Variants in SEL1L observed in about 807,000 individuals in gnomAD.
SEL1L encodes SEL1L adaptor subunit of SYVN1 ubiquitin ligase, also known as protein sel-1 homolog 1.
A neutral mutation model predicts 109.8 loss-of-function variants in SEL1L; 52 were observed. The ratio of observed to expected loss-of-function variants is 0.47; its 90% CI spans 0.38 to 0.60. The LOEUF (loss-of-function observed/expected upper bound fraction) is 0.60. SEL1L is among the 20% of genes least tolerant of loss of function. The pLI is 0.00. For synonymous variants in SEL1L, 373 were observed against 339.6 expected, an observed-to-expected ratio of 1.10 and a Z score of -1.08; for missense variants, 749 against 962.2, an observed-to-expected ratio of 0.78 and a Z score of 2.93.
intron 16 of SEL1L, among the ~76,000 whole-genome samples, chr14:81,486,798 G>C (rs929883687): frequency 3.3e-5 from 5 of 152,068 alleles, no homozygotes; most frequent in African/African-American, 1.2e-4. Context: ...CCTGTTAAAA[G>C]CCCCATTTGA....
chr14:81,525,420 T>TAAA (rs376907456), intron 3 of SEL1L, among the ~76,000 whole-genome samples: 25 of 75,426 alleles, frequency 3.3e-4, no homozygotes, highest in Admixed American at 9.6e-4. Flanking sequence ...ATATAAAAAC[T>TAAA]AAAAAAAAAA....
intron 19 of SEL1L, among the ~76,000 whole-genome samples, chr14:81,482,937 T>C (rs1414299017): frequency 6.6e-6 from 1 of 152,178 alleles, no homozygotes; most frequent in Non-Finnish European, 1.5e-5. Flanking sequence ...GTACTCTTCC[T>C]AGAAAATAAG....
At chr14:81,499,428 TA>T in intron 8 of SEL1L, 30 bp downstream of exon 8, 1 of 1,596,202 alleles carries the variant, frequency 6.3e-7, no homozygotes, top group Non-Finnish European at 8.5e-7. Context: ...CTGATGTTAA[TA>T]TTATTAGCCT....
chr14:81,503,292 C>CT (rs1172356327), intron 5 of SEL1L, among the ~76,000 whole-genome samples: 1 of 152,180 alleles, frequency 6.6e-6, no homozygotes, highest in East Asian at 1.9e-4. Flanking sequence ...CTCTGATAAT[C>CT]TTATTTCTAT....
chr14:81,532,921 G>A (rs1392870319), intron 1 of SEL1L, among the ~76,000 whole-genome samples: 1 of 152,016 alleles, frequency 6.6e-6, no homozygotes, highest in Non-Finnish European at 1.5e-5. Flanking sequence ...ATTTTCAAAT[G>A]TAGGCAGATT....
At position 81,506,090 on chromosome 14, in the gene SEL1L, C is replaced by T; in HGVS notation, c.492G>A (p.Lys164=). 1 of 1,613,620 alleles carries T rather than the reference C, an allele frequency of 6.2e-7. No individual in the cohort carries two copies. The highest frequency in any genetic ancestry group is 1.1e-5 in the South Asian group (1 of 91,016). ...AATACTTACTTTCACAAAAGCCCCA[C>T]TTTTCATCTGCTTTGTAGTCATAGG... is the stretch of plus-strand genomic sequence containing the variant. ...ATTYDYKADE[K]WGFCETEEEA... The change falls in exon 4 of 21, where the codon AAG becomes AAA. Residue 164 remains lysine, a synonymous_variant. Transcript: ENST00000336735.
In SEL1L at chr14:81,473,586, T is replaced by A. The variant is rs191984106; in HGVS notation, c.*3386A>T. The A allele has an allele frequency of 6.6e-6, 1 of 152,198 alleles. No homozygotes were observed. The highest frequency in any genetic ancestry group is 2.1e-4 in the South Asian group (1 of 4,834). The allele number at this position is 152,198 out of a possible 1,614,324, so 9.4% of individuals were successfully genotyped here. A position where few individuals can be genotyped will look rare whatever the true frequency, so the allele number is the denominator to read the frequency against. ...TAATGTGTAATACATATATATATTA[T>A]GAGATTCACTTTCAAAACAAATATC... is the stretch of plus-strand genomic sequence containing the variant. On this transcript the variant is annotated 3_prime_UTR_variant, in exon 21 of 21. Coordinates refer to ENST00000336735, the MANE Select transcript of SEL1L (RefSeq NM_005065.6).
At chr14:81,497,863 G>C (rs750141308) in intron 10 of SEL1L, 29 bp downstream of exon 10, 1 of 1,600,266 alleles carries the variant, frequency 6.2e-7, no homozygotes, top group Non-Finnish European at 8.5e-7. Context: ...ATGCAGTAAA[G>C]ATATTTGGTG....
In SEL1L at chr14:81,506,187, A is replaced by G; in HGVS notation, c.395T>C (p.Leu132Pro). 2 of 1,613,600 alleles carry G rather than the reference A, an allele frequency of 1.2e-6. No individual in the cohort carries two copies. Among genetic ancestry groups the G allele is most frequent in the Non-Finnish European group, 1.7e-6 (2 of 1,179,760 alleles). The change falls in exon 4 of 21, where the codon CTT becomes CCT. Residue 132 changes from leucine (L) to proline (P), a missense_variant. Physicochemically the swap from Leu to Pro is moderately conservative, Grantham distance 98 (BLOSUM62 -3). Transcript: ENST00000336735. ...TTCATCATACTCCTTATCTAGGAAA[A>G]GAAAAGGGAAGTGGCAGGGCTCCCC... ...AHGEPCHFPF[L>P]FLDKEYDECT...
intron 4 of SEL1L, among the ~76,000 whole-genome samples, chr14:81,505,309 A>G (rs112387176): frequency 6.6e-5 from 10 of 152,344 alleles, no homozygotes; most frequent in African/African-American, 2.4e-4. Flanking sequence ...AGATTTTTCA[A>G]AAGTTATTTT....
chr14:81,532,581 T>C (rs1885370772), intron 1 of SEL1L, among the ~76,000 whole-genome samples: 1 of 152,202 alleles, frequency 6.6e-6, no homozygotes, highest in Admixed American at 6.5e-5. Flanking sequence ...GCTTTTGAAA[T>C]GGTATCTCAA....
At chr14:81,509,125 C>T (rs1326970028) in intron 3 of SEL1L, among the ~76,000 whole-genome samples, 2 of 152,192 alleles carry the variant, frequency 1.3e-5, no homozygotes, top group Admixed American at 1.3e-4. Context: ...AGTGTTACTA[C>T]CTTTTAAACT....
rs1244781291 is a variant in SEL1L at position 81,477,083 on chromosome 14, G to A, written c.2274C>T (p.Val758=). Residue 758 remains valine, a synonymous_variant, in exon 21 of 21, where the codon GTC becomes GTT. Coordinates refer to ENST00000336735, the MANE Select transcript of SEL1L (RefSeq NM_005065.6). ...GGTGCTGCCTTTGCCTGTAAGCTAT[G>A]ACTGTTCCCAACAGCAGCGCAATGA... ...MTIIALLLGT[V]IAYRQRQHQD... 1.2e-6 allele frequency: 2 copies of A among 1,614,204 alleles called. No homozygotes were observed. Among genetic ancestry groups the A allele is most frequent in the East Asian group, 2.2e-5 (1 of 44,886 alleles).
rs111575451 is a variant in SEL1L at position 81,533,818 on chromosome 14, G to T, written c.-74C>A. On this transcript the variant is annotated 5_prime_UTR_variant, in exon 1 of 21. Coordinates refer to ENST00000336735, the MANE Select transcript of SEL1L (RefSeq NM_005065.6). ...TGCCACCACGGACTCAGCCACCACC[G>T]CCGCCTCGCCGCTGCTCTTCCTGCT... The T allele has an allele frequency of 3.4e-5, 47 of 1,394,084 alleles. No homozygotes were observed. The highest frequency in any genetic ancestry group is 3.8e-5 in the Non-Finnish European group (38 of 999,132). 86.4% of individuals were successfully genotyped at this position (1,394,084 alleles called of 1,614,324 possible).
At chr14:81,498,133 G>C (rs1299003844) in intron 9 of SEL1L, 87 bp from the exon 10 acceptor site, 9 of 1,333,948 alleles carry the variant, frequency 6.7e-6, no homozygotes, top group East Asian at 2.4e-5. Flanking sequence ...GCTGCCAAAC[G>C]TTGACGAACA....
chr14:81,500,860 T>G (rs915799265), intron 6 of SEL1L, among the ~76,000 whole-genome samples: 5 of 152,102 alleles, frequency 3.3e-5, no homozygotes, highest in Admixed American at 1.3e-4. Context: ...AACACAAAAA[T>G]GGAAGAAATA....
At position 81,475,943 on chromosome 14, in the gene SEL1L, A is replaced by G. The variant is rs1482820461; in HGVS notation, c.*1029T>C. 2 of 152,234 alleles carry G rather than the reference A, an allele frequency of 1.3e-5. No individual in the cohort carries two copies. The highest frequency in any genetic ancestry group is 4.8e-5 in the African/African-American group (2 of 41,468). 9.4% of individuals were successfully genotyped at this position (152,234 alleles called of 1,614,324 possible). ...CTTTGATTCTCTGAGTTTTAGTATT[A>G]TAATAGTAGTCACTGTAAGCCATAC... On this transcript the variant is annotated 3_prime_UTR_variant, in exon 21 of 21. Transcript: ENST00000336735.
chr14:81,512,130 T>C (rs1473971127), intron 3 of SEL1L, among the ~76,000 whole-genome samples: 1 of 152,134 alleles, frequency 6.6e-6, no homozygotes, highest in East Asian at 1.9e-4. Flanking sequence ...GAAGTTTCTA[T>C]GAAGGTGATT....
chr14:81,500,534 C>A (rs1456161142), intron 6 of SEL1L, among the ~76,000 whole-genome samples: 1 of 152,166 alleles, frequency 6.6e-6, no homozygotes, highest in Non-Finnish European at 1.5e-5. Context: ...CCACGCCCAG[C>A]CAAATGTAAC....
Sources: gnomAD v4.1 joint callset for allele counts (sites outside exome capture counted in the v4.1 genomes callset) on GRCh38, gnomAD v4.1.1 for gene constraint, MANE v1.5 for transcripts, NCBI Gene and HGNC (gene_info 2026-07-23, HGNC 2026-07-21) for gene names.